The following AK1 variants were observed in gnomAD, a reference collection of about 807,000 sequenced individuals.
AK1 encodes adenylate kinase isoenzyme 1.
In AK1, 13 loss-of-function variants were observed where a neutral mutation model predicts 23.9. The observed-to-expected ratio is 0.54, with a 90% CI of 0.35 to 0.86. AK1 has a LOEUF of 0.86. Among genes scored for constraint, AK1 ranks in the 40% least tolerant of loss-of-function variants. AK1 has a pLI of 0.01. For synonymous variants in AK1, 97 were observed against 102.8 expected (o/e 0.94, Z 0.34); for missense variants, 214 against 255.1 (o/e 0.84, Z 1.10).
intron 4 of AK1, 72 bp downstream of exon 4, chr9:127,872,618 T>C: frequency 6.2e-7 from 1 of 1,601,222 alleles, no homozygotes. Context: ...TGCCGTGGGC[T>C]TTGCTGCTGG....
At chr9:127,873,324 C>T (rs925009112) in intron 2 of AK1, 61 of 1,538,618 alleles carry the variant, frequency 4.0e-5, no homozygotes, top group Non-Finnish European at 4.9e-5. Flanking sequence ...ACTCTCCACA[C>T]AGCCAGCGGG....
chr9:127,869,141 GCATGTCATC>G lies in AK1; in HGVS notation c.325-638_325-630del, dbSNP rs562043398. The stretch of plus-strand genomic sequence containing the variant: ...GAGCAATGTCCGTGTCATTGGAACA[GCATGTCATC>G]CATGTCATCCATGGGACGCCTTGGA... On this transcript the variant is annotated intron_variant, in intron 5 of 6. Coordinates refer to ENST00000644144, the MANE Select transcript of AK1 (RefSeq NM_000476.3). Among the ~76,000 whole-genome samples, 176 of 152,300 alleles carry G rather than the reference GCATGTCATC, an allele frequency of 1.2e-3. 4 individuals are homozygous for G. The highest frequency in any genetic ancestry group is 2.5e-4 in the Non-Finnish European group (17 of 68,020).
Position 127,867,857 on chromosome 9 carries a change from T to G in AK1, c.*151A>C. ...AACCAAATGTCCTTAGAAATTCCTT[T>G]AGTGCTCAGCTGTCCATGAAAACAG... On this transcript the variant is annotated 3_prime_UTR_variant, in exon 7 of 7. Coordinates refer to ENST00000644144, the MANE Select transcript of AK1 (RefSeq NM_000476.3). The G allele has an allele frequency of 1.4e-6, 1 of 724,622 alleles. No individual in the cohort carries two copies. Among genetic ancestry groups the G allele is most frequent in the Non-Finnish European group, 2.4e-6 (1 of 414,426 alleles). The allele number at this position is 724,622 out of a possible 1,614,324, so 44.9% of individuals were successfully genotyped here. A position where few individuals can be genotyped will look rare whatever the true frequency, so the allele number is the denominator to read the frequency against.
intron 3 of AK1, 84 bp from the exon 4 acceptor site, chr9:127,872,937 G>A: frequency 2.5e-6 from 4 of 1,613,062 alleles, no homozygotes; most frequent in African/African-American, 1.3e-5. Flanking sequence ...AGAGAGGGAG[G>A]GGCAGAGCCC....
chr9:127,877,998 G>A (rs1829579986), upstream of AK1, among the ~76,000 whole-genome samples: 1 of 152,252 alleles, frequency 6.6e-6, no homozygotes, highest in Non-Finnish European at 1.5e-5. This position sits in a 1 kb window ranked among gnomAD's most constrained non-coding sequence, Gnocchi z 5.2. Flanking sequence ...ATGATAGCTG[G>A]AGAAACTGAG....
At chr9:127,870,825 TG>T (rs1564472231) in intron 5 of AK1, among the ~76,000 whole-genome samples, 1 of 75,874 alleles carries the variant, frequency 1.3e-5, no homozygotes, top group Non-Finnish European at 3.0e-5. Context: ...GAATGGGGCA[TG>T]GGAATGGGGC....
At chr9:127,874,867 A>G (rs1829500996) in intron 1 of AK1, 1 of 560,032 alleles carries the variant, frequency 1.8e-6, no homozygotes, top group Non-Finnish European at 3.2e-6. Context: ...TCTGGCCTCC[A>G]TGGCCTCACC....
At chr9:127,870,829 AATGGGGCAT>A (rs1829385048) in intron 5 of AK1, among the ~76,000 whole-genome samples, 1 of 52,532 alleles carries the variant, frequency 1.9e-5, no homozygotes, top group African/African-American at 4.7e-5. Context: ...GGGGCATGGG[AATGGGGCAT>A]GGGGATGGGA....
upstream of AK1, chr9:127,877,859 G>C (rs1829578214): frequency 6.6e-6 from 1 of 152,314 alleles, no homozygotes. This position sits in a 1 kb window ranked among gnomAD's most constrained non-coding sequence, Gnocchi z 5.2. Context: ...CGTGTGCCCC[G>C]CACCGTGGAC....
Position 127,873,007 on chromosome 9 carries a change from C to A in AK1, c.43+19G>T, listed in dbSNP as rs1423519795. The A allele has an allele frequency of 6.2e-7, 1 of 1,613,944 alleles. No homozygotes were observed. The highest frequency in any genetic ancestry group is 8.5e-7 in the Non-Finnish European group (1 of 1,179,970). ...CCAGTGAAGACCCTTGCTGCACCAC[C>A]CGCCTGCCCGCAACTCACCCACCAC... On this transcript the variant is annotated intron_variant, in intron 3 of 6. Transcript: ENST00000644144.
intron 2 of AK1, chr9:127,874,278 C>T (rs1044943826): frequency 5.3e-5 from 52 of 985,406 alleles, no homozygotes; most frequent in Non-Finnish European, 5.8e-5. Context: ...CGGAGAGGTA[C>T]GGGGAATTGC....
intron 1 of AK1, among the ~76,000 whole-genome samples, chr9:127,876,656 C>CT (rs1001424780): frequency 1.3e-5 from 2 of 149,412 alleles, no homozygotes; most frequent in African/African-American, 4.9e-5. Context: ...GCCTCGACCC[C>CT]GCCCTGCCCC....
Position 127,867,934 on chromosome 9 carries a change from G to A in AK1, c.*74C>T, listed in dbSNP as rs1046139189. 23 of 1,475,278 alleles carry A rather than the reference G, an allele frequency of 1.6e-5. No individual in the cohort carries two copies. In the East Asian group the frequency reaches 1.6e-4, roughly 10 times the overall value. 91.4% of individuals were successfully genotyped at this position (1,475,278 alleles called of 1,614,324 possible). On this transcript the variant is annotated 3_prime_UTR_variant, in exon 7 of 7. Transcript: ENST00000644144. ...CAGCAGGGCAGGGTGGAGGCGCTGCGCTCAGGCCAGGAGGACCTCGAATCA... is the reference window on the plus strand; with the variant it reads ...CAGCAGGGCAGGGTGGAGGCGCTGCACTCAGGCCAGGAGGACCTCGAATCA...
upstream of AK1, chr9:127,879,546 C>G (rs911077557): frequency 7.0e-6 from 1 of 142,682 alleles, no homozygotes; most frequent in Non-Finnish European, 1.5e-5. Context: ...TAGCTTGAAC[C>G]CAGGAGGCAG....
In AK1 at chr9:127,877,036, G is replaced by A. The variant is rs1829555522; in HGVS notation, c.-33+587C>T. On this transcript the variant is annotated intron_variant, in intron 1 of 6. Coordinates refer to ENST00000644144, the MANE Select transcript of AK1 (RefSeq NM_000476.3). This position sits in a 1 kb window ranked among gnomAD's most constrained non-coding sequence, Gnocchi z 5.2. ...CTCCATCACTCAGCTGTGTGACCTTGGGCAGTTGGTGTCCCCTCTCTGGGC... is the reference window on the plus strand; with the variant it reads ...CTCCATCACTCAGCTGTGTGACCTTAGGCAGTTGGTGTCCCCTCTCTGGGC... 6.6e-6 allele frequency among the ~76,000 whole-genome samples: 1 copy of A among 152,216 alleles called. No homozygotes were observed. The highest frequency in any genetic ancestry group is 6.5e-5 in the Admixed American group (1 of 15,286).
At position 127,871,807 on chromosome 9, in the gene AK1, T is replaced by C. The variant is rs751629167; in HGVS notation, c.324+16A>G. 1 of 1,609,256 alleles carries C rather than the reference T, an allele frequency of 6.2e-7. No individual in the cohort carries two copies. The highest frequency in any genetic ancestry group is 8.5e-7 in the Non-Finnish European group (1 of 1,175,702). ...GCCCCAGCCCACCAGGATCCCCACT[T>C]GGGTCAGTGCCTTACCCGTCGCTCA... is the stretch of plus-strand genomic sequence containing the variant. On this transcript the variant is annotated intron_variant, in intron 5 of 6. Transcript: ENST00000644144. This position sits in a 1 kb window ranked among gnomAD's most constrained non-coding sequence, Gnocchi z 4.4.
Position 127,871,967 on chromosome 9 carries a change from C to T in AK1, c.208-28G>A. 6.3e-7 allele frequency: 1 copy of T among 1,581,772 alleles called. No homozygotes were observed. The highest frequency in any genetic ancestry group is 8.7e-7 in the Non-Finnish European group (1 of 1,151,046). ...GGGGCACAGCAAAGGAGGAAGGGGC[C>T]ATGAGCCTCTCCTCCCCATCCCTTC... is the stretch of plus-strand genomic sequence containing the variant. On this transcript the variant is annotated intron_variant, in intron 4 of 6. Transcript: ENST00000644144. This position sits in a 1 kb window ranked among gnomAD's most constrained non-coding sequence, Gnocchi z 4.4.
At chr9:127,872,233 G>T (rs1460471983) in intron 4 of AK1, among the ~76,000 whole-genome samples, 1 of 152,206 alleles carries the variant, frequency 6.6e-6, no homozygotes, top group East Asian at 1.9e-4. Flanking sequence ...CTGCCCTGGG[G>T]AGCTCAGGGG....
chr9:127,870,880 G>C (rs1829389886), intron 5 of AK1, among the ~76,000 whole-genome samples: 1 of 146,932 alleles, frequency 6.8e-6, no homozygotes, highest in South Asian at 2.1e-4. Flanking sequence ...CCAGGATGCT[G>C]GTTAGGCTCC....
Sources: gnomAD v4.1 joint callset for allele counts (sites outside exome capture counted in the v4.1 genomes callset) on GRCh38, gnomAD v4.1.1 for gene constraint, Gnocchi (gnomAD v3.1) non-coding constraint, MANE v1.5 for transcripts, NCBI Gene and HGNC (gene_info 2026-07-23, HGNC 2026-07-21) for gene names.